The following RABGAP1L variants were observed in gnomAD, a reference collection of about 807,000 sequenced individuals.
RABGAP1L encodes RAB GTPase activating protein 1 like.
In RABGAP1L, 63 loss-of-function variants were observed where a neutral mutation model predicts 137.7. That is an observed-to-expected ratio of 0.46 (90% CI 0.37 to 0.56). RABGAP1L has a LOEUF of 0.56. Ranked by LOEUF, RABGAP1L falls within the 20% of genes least tolerant of loss-of-function variation. The pLI is 0.00. For missense variants in RABGAP1L, 1,095 were observed against 1,244.0 expected, an observed-to-expected ratio of 0.88 and a Z score of 1.80; for synonymous variants, 431 against 433.7, an observed-to-expected ratio of 0.99 and a Z score of 0.08.
At chr1:174,368,740 C>G (rs1318954225) in intron 11 of RABGAP1L, among the ~76,000 whole-genome samples, 1 of 152,088 alleles carries the variant, frequency 6.6e-6, no homozygotes, top group Non-Finnish European at 1.5e-5. Context: ...TATACATACT[C>G]TATACCGTCA....
intron 19 of RABGAP1L, among the ~76,000 whole-genome samples, chr1:174,812,798 G>A (rs1690006973): frequency 6.6e-6 from 1 of 152,162 alleles, no homozygotes; most frequent in Non-Finnish European, 1.5e-5. Flanking sequence ...GGTTATGATT[G>A]TTATTAGATA....
At chr1:174,427,174 G>A (rs1196932309) in intron 13 of RABGAP1L, among the ~76,000 whole-genome samples, 1 of 151,450 alleles carries the variant, frequency 6.6e-6, no homozygotes, top group Non-Finnish European at 1.5e-5. Flanking sequence ...GTGTGTGTGT[G>A]TGTGTGTGTG....
chr1:174,705,877 A>G (rs1298180704), intron 17 of RABGAP1L: 1 of 152,138 alleles, frequency 6.6e-6, no homozygotes, highest in Non-Finnish European at 1.5e-5. Flanking sequence ...TAGATTATCC[A>G]TAGGTATTTG....
intron 13 of RABGAP1L, among the ~76,000 whole-genome samples, chr1:174,432,627 T>C (rs1339872513): frequency 1.3e-5 from 2 of 152,166 alleles, no homozygotes; most frequent in East Asian, 3.9e-4. Context: ...AACCTCTGCC[T>C]CCTGGGTTCA....
rs984543535 is a variant in RABGAP1L, at chr1:174,197,276, C to G, written c.-33-21849C>G. ...CATAAATAGTAGAGCCAGGATTAAA[C>G]CCAAGTGTCTGACTCCAGCAGTTGA... On this transcript the variant is annotated intron_variant, in intron 1 of 25. Coordinates refer to ENST00000681986, the MANE Select transcript of RABGAP1L (RefSeq NM_001366446.1). Among the ~76,000 whole-genome samples, 3 of 152,278 alleles carry G rather than the reference C, an allele frequency of 2.0e-5. No homozygotes were observed. In the East Asian group the frequency reaches 5.8e-4, roughly 29 times the overall value.
At chr1:174,799,978 A>ACTCT in intron 18 of RABGAP1L, 1 of 974,502 alleles carries the variant, frequency 1.0e-6, no homozygotes, top group African/African-American at 2.0e-5. Context: ...ACACACACAC[A>ACTCT]CTCTCACACA....
intron 21 of RABGAP1L, among the ~76,000 whole-genome samples, chr1:174,970,071 G>T (rs776635061): frequency 6.6e-6 from 1 of 152,192 alleles, no homozygotes; most frequent in South Asian, 2.1e-4. Context: ...TGGGACACAG[G>T]ATATGGAAGG....
chr1:174,782,744 T>C (rs1277361216), intron 18 of RABGAP1L, among the ~76,000 whole-genome samples: 1 of 152,182 alleles, frequency 6.6e-6, no homozygotes, highest in Non-Finnish European at 1.5e-5. Context: ...AACCTAGCTG[T>C]GGACGGTGAC....
chr1:174,596,161 T>A (rs1302529362), intron 13 of RABGAP1L, among the ~76,000 whole-genome samples: 1 of 140,612 alleles, frequency 7.1e-6, no homozygotes, highest in Non-Finnish European at 1.5e-5. Context: ...GAAAGGGAAC[T>A]CCCTGACCCC....
chr1:174,871,226 C>T (rs574907917), intron 19 of RABGAP1L, among the ~76,000 whole-genome samples: 6 of 151,968 alleles, frequency 3.9e-5, no homozygotes, highest in South Asian at 2.1e-4. Context: ...TGCAGTGGCG[C>T]GATCTCAGCT....
rs1295444435 is a variant in RABGAP1L at position 174,988,760 on chromosome 1, TAAG to T, written c.2929_2931del (p.Lys977del). On this transcript the variant is annotated inframe_deletion, in exon 25 of 26. Coordinates refer to ENST00000681986, the MANE Select transcript of RABGAP1L (RefSeq NM_001366446.1). ...AAACAGATGATGAGAAGGACTCACT[TAAG>T]AAGCAGCTGAGAGAGATGGAACTGG... The T allele has an allele frequency of 4.5e-6, 7 of 1,550,206 alleles. No homozygotes were observed. Among genetic ancestry groups the T allele is most frequent in the Non-Finnish European group, 5.2e-6 (6 of 1,146,778 alleles).
intron 13 of RABGAP1L, among the ~76,000 whole-genome samples, chr1:174,582,069 C>T (rs1337148795): frequency 2.0e-5 from 3 of 152,012 alleles, no homozygotes; most frequent in African/African-American, 7.2e-5. Flanking sequence ...GCTCAGTAGG[C>T]AATTTAACAT....
At chr1:174,248,628 G>A (rs1003182206) in intron 5 of RABGAP1L, among the ~76,000 whole-genome samples, 2 of 152,170 alleles carry the variant, frequency 1.3e-5, no homozygotes, top group Non-Finnish European at 2.9e-5. Flanking sequence ...GGGTATAAAT[G>A]TGGCATTCGG....
At chr1:174,315,081 C>T (rs918315924) in intron 11 of RABGAP1L, among the ~76,000 whole-genome samples, 1 of 152,026 alleles carries the variant, frequency 6.6e-6, no homozygotes, top group Non-Finnish European at 1.5e-5. Context: ...CCAGTGCTCA[C>T]AGTGGGGGTT....
chr1:174,185,918 C>T (rs543368872), intron 1 of RABGAP1L, among the ~76,000 whole-genome samples: 228 of 152,154 alleles, frequency 1.5e-3, no homozygotes, highest in African/African-American at 5.1e-3. Flanking sequence ...CCAAGGTGGG[C>T]GGATCACCTA....
At chr1:174,285,461 A>T (rs1675973568) in intron 10 of RABGAP1L, among the ~76,000 whole-genome samples, 3 of 151,050 alleles carry the variant, frequency 2.0e-5, no homozygotes, top group Admixed American at 2.0e-4. Flanking sequence ...GTATAGAAAT[A>T]CAAGCAAATT....
intron 12 of RABGAP1L, among the ~76,000 whole-genome samples, chr1:174,384,053 C>G (rs1189536937): frequency 6.6e-6 from 1 of 152,180 alleles, no homozygotes; most frequent in Non-Finnish European, 1.5e-5. Flanking sequence ...GTAAATGGAT[C>G]AACCAACTGT....
chr1:174,384,020 A>G (rs894482089), intron 12 of RABGAP1L, among the ~76,000 whole-genome samples: 1 of 152,164 alleles, frequency 6.6e-6, no homozygotes, highest in Non-Finnish European at 1.5e-5. Context: ...CCAAACTGCA[A>G]ACAACCCAAA....
chr1:174,350,954 CCTGCAATCGCAGG>C (rs1324086149), intron 11 of RABGAP1L, among the ~76,000 whole-genome samples: 26,369 of 123,146 alleles, frequency 0.21, 3,106 homozygotes, highest in Admixed American at 0.25. Context: ...GCGGCGCGTG[CCTGCAATCGCAGG>C]CATTCGGCAG....
Sources: allele counts gnomAD v4.1 joint callset (sites outside exome capture counted in the v4.1 genomes callset), GRCh38; gene constraint gnomAD v4.1.1; transcripts MANE v1.5; gene names NCBI Gene and HGNC (gene_info 2026-07-23, HGNC 2026-07-21).